Variants in NCAM2 observed in about 807,000 individuals in gnomAD.
NCAM2 encodes the protein neural cell adhesion molecule 2, also known as N-CAM-2.
In NCAM2, 30 loss-of-function variants were observed where a neutral mutation model predicts 98.1. The observed-to-expected ratio is 0.31, with a 90% confidence interval of 0.23 to 0.41. The LOEUF (loss-of-function observed/expected upper bound fraction) is 0.41. NCAM2 is among the 10% of genes least tolerant of loss of function. NCAM2 has a pLI of 1.00. For synonymous variants in NCAM2, 368 were observed against 342.4 expected, an observed-to-expected ratio of 1.07 and a Z score of -0.83; for missense variants, 867 against 1,005.8, an observed-to-expected ratio of 0.86 and a Z score of 1.87.
intron 13 of NCAM2, among the ~76,000 whole-genome samples, chr21:21,467,933 G>T (rs985779): frequency 0.53 from 80,061 of 151,782 alleles, 22,039 homozygotes; most frequent in African/African-American, 0.59. Flanking sequence ...AACAGGTCAT[G>T]CCGGTTTAGA....
chr21:21,058,049 T>C (rs866500528), intron 1 of NCAM2, among the ~76,000 whole-genome samples: 2 of 151,154 alleles, frequency 1.3e-5, no homozygotes, highest in Non-Finnish European at 2.9e-5. Flanking sequence ...TCAACAGCCA[T>C]CTGCTCCAGA....
intron 1 of NCAM2, among the ~76,000 whole-genome samples, chr21:21,200,836 C>G (rs75402795): frequency 0.018 from 2,528 of 137,810 alleles, 45 homozygotes; most frequent in Admixed American, 0.045. Context: ...GTCTTATAAA[C>G]TGTGTGTGTG....
intron 8 of NCAM2, among the ~76,000 whole-genome samples, chr21:21,352,899 G>A (rs141438798): frequency 1.5e-3 from 221 of 151,228 alleles, no homozygotes; most frequent in African/African-American, 5.2e-3. Flanking sequence ...TGTTGACCAG[G>A]CTGGAGTGCA....
chr21:21,050,039 C>G (rs1160381553), intron 1 of NCAM2, among the ~76,000 whole-genome samples: 1 of 151,804 alleles, frequency 6.6e-6, no homozygotes, highest in Non-Finnish European at 1.5e-5. Flanking sequence ...CAGTATGCAT[C>G]AGATCAGGTG....
intron 1 of NCAM2, among the ~76,000 whole-genome samples, chr21:21,270,658 C>G (rs190608116): frequency 2.2e-4 from 34 of 152,144 alleles, no homozygotes; most frequent in Non-Finnish European, 4.0e-4. Flanking sequence ...TAATCATTTC[C>G]CTCCATTTTC....
At chr21:21,364,713 G>T (rs1298969375) in intron 8 of NCAM2, among the ~76,000 whole-genome samples, 1 of 151,486 alleles carries the variant, frequency 6.6e-6, no homozygotes, top group African/African-American at 2.4e-5. Flanking sequence ...TAATTTTATG[G>T]TATCAGTCCA....
At chr21:21,323,864 T>C (rs2074440813) in intron 5 of NCAM2, among the ~76,000 whole-genome samples, 1 of 152,156 alleles carries the variant, frequency 6.6e-6, no homozygotes, top group African/African-American at 2.4e-5. Context: ...TGACACCTAA[T>C]TTGAAAGCCC....
At chr21:21,392,599 C>G (rs1305238996) in intron 9 of NCAM2, among the ~76,000 whole-genome samples, 2 of 152,140 alleles carry the variant, frequency 1.3e-5, no homozygotes, top group Non-Finnish European at 2.9e-5. Flanking sequence ...TCTCCACAAC[C>G]TAGCCAGGGT....
intron 4 of NCAM2, among the ~76,000 whole-genome samples, chr21:21,286,671 G>C (rs2073113439): frequency 6.6e-6 from 1 of 151,710 alleles, no homozygotes; most frequent in African/African-American, 2.4e-5. Flanking sequence ...AGCTTTGGAG[G>C]CATAGTTGAG....
At chr21:21,524,826 C>T (rs1007148906) in intron 16 of NCAM2, among the ~76,000 whole-genome samples, 9 of 151,998 alleles carry the variant, frequency 5.9e-5, no homozygotes, top group Non-Finnish European at 8.8e-5. Flanking sequence ...TCTCATACCA[C>T]AATGGAATTA....
At chr21:21,208,743 A>G (rs1469609477) in intron 1 of NCAM2, among the ~76,000 whole-genome samples, 1 of 152,184 alleles carries the variant, frequency 6.6e-6, no homozygotes, top group Non-Finnish European at 1.5e-5. Flanking sequence ...ATAGGCAAAA[A>G]TCACCACAGA....
chr21:21,257,516 C>G (rs538633912), intron 1 of NCAM2, among the ~76,000 whole-genome samples: 1 of 152,262 alleles, frequency 6.6e-6, no homozygotes, highest in Admixed American at 6.5e-5. Flanking sequence ...CTAGATTAGA[C>G]AGTACGAAAA....
chr21:21,144,125 G>A (rs971146019), intron 1 of NCAM2, among the ~76,000 whole-genome samples: 4 of 151,908 alleles, frequency 2.6e-5, no homozygotes, highest in African/African-American at 7.3e-5. Flanking sequence ...CGAGGTGGGC[G>A]GATCATGAGG....
chr21:21,248,339 T>C (rs1349726343), intron 1 of NCAM2, among the ~76,000 whole-genome samples: 1 of 152,118 alleles, frequency 6.6e-6, no homozygotes, highest in African/African-American at 2.4e-5. Flanking sequence ...TATTCCCTCA[T>C]CATTTAAATA....
chr21:21,279,260 G>T (rs1307368773), intron 1 of NCAM2, among the ~76,000 whole-genome samples: 2 of 152,152 alleles, frequency 1.3e-5, no homozygotes, highest in South Asian at 2.1e-4. Flanking sequence ...CTTGGGGGAG[G>T]CAAGTTTCCT....
At chr21:21,128,320 G>T (rs2066869540) in intron 1 of NCAM2, among the ~76,000 whole-genome samples, 1 of 151,940 alleles carries the variant, frequency 6.6e-6, no homozygotes, top group Non-Finnish European at 1.5e-5. Flanking sequence ...TAAAATGGAT[G>T]CATGCCTGGT....
chr21:21,416,708 T>C (rs1232986871), intron 10 of NCAM2, among the ~76,000 whole-genome samples: 3 of 152,164 alleles, frequency 2.0e-5, no homozygotes, highest in Non-Finnish European at 4.4e-5. Context: ...ATATTTTTAC[T>C]TAATGGTCTA....
Position 21,070,563 on chromosome 21 carries a change from G to C in NCAM2, c.55+71945G>C, listed in dbSNP as rs2065541308. The stretch of plus-strand genomic sequence containing the variant: ...AAACATGAGTATTTATTTAAAGTGA[G>C]TAGTTGGAGGCTAAAAGGGAAGTTG... On this transcript the variant is annotated intron_variant, in intron 1 of 17. Transcript: ENST00000400546. Among the ~76,000 whole-genome samples the C allele has an allele frequency of 1.3e-5, 2 of 152,024 alleles. 1 individual carries two copies. Among genetic ancestry groups the C allele is most frequent in the Non-Finnish European group, 2.9e-5 (2 of 67,964 alleles).
At chr21:21,446,606 A>C (rs780749738) in intron 12 of NCAM2, among the ~76,000 whole-genome samples, 19 of 152,126 alleles carry the variant, frequency 1.2e-4, no homozygotes, top group Non-Finnish European at 2.1e-4. Flanking sequence ...AGAGGAAGTC[A>C]AATTGTCTCT....
Sources: gnomAD v4.1 joint callset for allele counts (sites outside exome capture counted in the v4.1 genomes callset) on GRCh38, gnomAD v4.1.1 for gene constraint, MANE v1.5 for transcripts, NCBI Gene and HGNC (gene_info 2026-07-23, HGNC 2026-07-21) for gene names.